The following ACVR1 variants were observed in gnomAD, a reference collection of about 807,000 sequenced individuals.
The protein encoded by ACVR1 is activin A receptor type 1.
In ACVR1, 38 loss-of-function variants were observed where a neutral mutation model predicts 57.1. The ratio of observed to expected loss-of-function variants is 0.67; its 90% CI spans 0.51 to 0.87. ACVR1 has a LOEUF of 0.87. Ranked by LOEUF, ACVR1 falls within the 40% of genes least tolerant of loss-of-function variation. The pLI is 0.00. For synonymous variants in ACVR1, 212 were observed against 228.1 expected (o/e 0.93, Z 0.63); for missense variants, 463 against 638.2 (o/e 0.73, Z 2.96).
intron 9 of ACVR1, among the ~76,000 whole-genome samples, chr2:157,741,317 G>A (rs1221083856): frequency 3.9e-5 from 6 of 152,110 alleles, no homozygotes; most frequent in East Asian, 1.9e-4. Flanking sequence ...GGGTGTGCCC[G>A]AGGCTGTGCT....
At chr2:157,839,167 C>G (rs1688890583) in intron 1 of ACVR1, among the ~76,000 whole-genome samples, 1 of 152,200 alleles carries the variant, frequency 6.6e-6, no homozygotes, top group Non-Finnish European at 1.5e-5. Flanking sequence ...AAGCTGTGCC[C>G]AGAGCCCCTT....
At chr2:157,745,199 C>T (rs1684922224) in intron 9 of ACVR1, among the ~76,000 whole-genome samples, 1 of 152,166 alleles carries the variant, frequency 6.6e-6, no homozygotes, top group African/African-American at 2.4e-5. Context: ...GTCAATATTA[C>T]TGTAAGTTGT....
intron 2 of ACVR1, among the ~76,000 whole-genome samples, chr2:157,799,865 A>T (rs556537880): frequency 5.3e-5 from 8 of 152,346 alleles, no homozygotes; most frequent in East Asian, 1.9e-4. Context: ...GTACTAAATT[A>T]AAAAACCTGA....
chr2:157,745,311 A>G (rs1405839953), intron 9 of ACVR1, among the ~76,000 whole-genome samples: 1 of 152,214 alleles, frequency 6.6e-6, no homozygotes, highest in Non-Finnish European at 1.5e-5. Context: ...AAATCGAGAA[A>G]GAGAGGAGCA....
At position 157,757,965 on chromosome 2, in the gene ACVR1, T is replaced by C. The variant is rs558760832; in HGVS notation, c.1264+2915A>G. Among the ~76,000 whole-genome samples the C allele has an allele frequency of 9.9e-5, 15 of 151,534 alleles. 1 individual carries two copies. The East Asian group carries it at 2.9e-3, about 29-fold the overall frequency. ...AACACAATTAATAAAAAGGCAGAAA[T>C]AAGTCCTCACCTATAAATAATAATT... On this transcript the variant is annotated intron_variant, in intron 9 of 10. Transcript: ENST00000434821.
intron 7 of ACVR1, among the ~76,000 whole-genome samples, chr2:157,768,517 T>C (rs982227087): frequency 1.3e-5 from 2 of 152,214 alleles, no homozygotes; most frequent in African/African-American, 4.8e-5. Flanking sequence ...ACATTTTTAT[T>C]ATCTCACCTT....
intron 9 of ACVR1, 65 bp downstream of exon 9, chr2:157,760,815 T>C (rs1685616611): frequency 2.5e-5 from 38 of 1,505,866 alleles, no homozygotes; most frequent in Non-Finnish European, 3.2e-5. Context: ...CCTTCAGCCC[T>C]TTTAAAGGTA....
chr2:157,787,318 G>A (rs1050442762), intron 3 of ACVR1, among the ~76,000 whole-genome samples: 1 of 152,144 alleles, frequency 6.6e-6, no homozygotes, highest in African/African-American at 2.4e-5. Context: ...CTTAATACGG[G>A]AGAAAATAAT....
rs1428751578 is a variant in ACVR1 at position 157,820,343 on chromosome 2, C to A, written c.-182-1784G>T. ...AAACTGCTGAAATACTGGTATTTTCCAAGATGCTGGGGCCAGGGAAATCTG... is the reference window on the plus strand; with the variant it reads ...AAACTGCTGAAATACTGGTATTTTCAAAGATGCTGGGGCCAGGGAAATCTG... On this transcript the variant is annotated intron_variant, in intron 1 of 10. Transcript: ENST00000434821. Among the ~76,000 whole-genome samples the A allele has an allele frequency of 2.6e-5, 4 of 152,144 alleles. No individual in the cohort carries two copies. The East Asian group carries it at 7.7e-4, about 29-fold the overall frequency.
At chr2:157,764,363 C>CTTTTTTTT (rs113156681) in intron 8 of ACVR1, among the ~76,000 whole-genome samples, 1 of 133,722 alleles carries the variant, frequency 7.5e-6, no homozygotes, top group Non-Finnish European at 1.6e-5. Flanking sequence ...TATTATTTTT[C>CTTTTTTTT]TTTTTTTTTT....
intron 6 of ACVR1, 147 bp downstream of exon 6, chr2:157,773,941 T>G (rs559413417): frequency 3.9e-5 from 26 of 671,590 alleles, no homozygotes; most frequent in Middle Eastern, 3.9e-4. Context: ...GCTCCAACAT[T>G]AGTCATACAG....
At chr2:157,874,900 C>T (rs1177395983) in intron 1 of ACVR1, 1 of 150,176 alleles carries the variant, frequency 6.7e-6, no homozygotes, top group Non-Finnish European at 1.5e-5. Context: ...TTCATGACAA[C>T]TTTTTAACCA....
chr2:157,815,070 C>A (rs1687884720), intron 2 of ACVR1, among the ~76,000 whole-genome samples: 1 of 152,072 alleles, frequency 6.6e-6, no homozygotes, highest in South Asian at 2.1e-4. Flanking sequence ...GCCTGGGCAA[C>A]AGAGCAAGAC....
At chr2:157,795,165 C>T (rs1271455359) in intron 3 of ACVR1, among the ~76,000 whole-genome samples, 3 of 152,002 alleles carry the variant, frequency 2.0e-5, no homozygotes, top group Non-Finnish European at 4.4e-5. Flanking sequence ...TAAACGCAGT[C>T]GTCTAAAGCT....
intron 9 of ACVR1, among the ~76,000 whole-genome samples, chr2:157,739,163 T>C (rs575728613): frequency 3.9e-5 from 6 of 152,368 alleles, no homozygotes; most frequent in South Asian, 4.1e-4. Context: ...TCATTCATTC[T>C]ACATGTACTG....
At chr2:157,806,195 A>G (rs1053455249) in intron 2 of ACVR1, among the ~76,000 whole-genome samples, 7 of 152,024 alleles carry the variant, frequency 4.6e-5, no homozygotes, top group Non-Finnish European at 1.0e-4. Context: ...TTTCCTCTTA[A>G]AGAACAACCT....
At chr2:157,798,988 C>A (rs1161820821) in intron 3 of ACVR1, among the ~76,000 whole-genome samples, 1 of 151,984 alleles carries the variant, frequency 6.6e-6, no homozygotes, top group East Asian at 1.9e-4. Context: ...CCTCCGCCTC[C>A]CAGATTCAAG....
At chr2:157,748,199 G>A (rs1427892016) in intron 9 of ACVR1, among the ~76,000 whole-genome samples, 5 of 152,114 alleles carry the variant, frequency 3.3e-5, no homozygotes, top group Admixed American at 6.5e-5. Context: ...GCAACACAGG[G>A]AACGGGTTTG....
intron 2 of ACVR1, among the ~76,000 whole-genome samples, chr2:157,803,441 C>T (rs1574084049): frequency 1.3e-5 from 2 of 152,170 alleles, no homozygotes; most frequent in Admixed American, 1.3e-4. Context: ...CTATTAAAAA[C>T]AGCACCCCCA....
Sources: gnomAD v4.1 joint callset for allele counts (sites outside exome capture counted in the v4.1 genomes callset) on GRCh38, gnomAD v4.1.1 for gene constraint, MANE v1.5 for transcripts, NCBI Gene and HGNC (gene_info 2026-07-23, HGNC 2026-07-21) for gene names.